Variants in NAALADL2 observed in about 807,000 individuals in gnomAD.
NAALADL2 encodes inactive N-acetylated-alpha-linked acidic dipeptidase-like protein 2.
A neutral mutation model predicts 87.2 loss-of-function variants in NAALADL2; 76 were observed. That is an observed-to-expected ratio of 0.87 (90% CI 0.72 to 1.05). The LOEUF (loss-of-function observed/expected upper bound fraction) is 1.05. Ranked by LOEUF, NAALADL2 falls within the 50% of genes least tolerant of loss-of-function variation. NAALADL2 has a pLI of 0.00. For synonymous variants in NAALADL2, 354 were observed against 331.0 expected, an observed-to-expected ratio of 1.07 and a Z score of -0.75; for missense variants, 1,089 against 945.8, an observed-to-expected ratio of 1.15 and a Z score of -1.99.
chr3:174,854,012 A>G (rs1725572864), intron 3 of NAALADL2, among the ~76,000 whole-genome samples: 1 of 152,182 alleles, frequency 6.6e-6, no homozygotes, highest in Non-Finnish European at 1.5e-5. Flanking sequence ...CACATGGTCC[A>G]GCTATCTCAC....
chr3:175,547,528 C>T (rs946100420), intron 9 of NAALADL2, among the ~76,000 whole-genome samples: 1 of 152,044 alleles, frequency 6.6e-6, no homozygotes, highest in Non-Finnish European at 1.5e-5. Flanking sequence ...ATATCAAAAG[C>T]AATTGTAACA....
At chr3:175,071,998 C>CT (rs1243488556) in intron 1 of NAALADL2, among the ~76,000 whole-genome samples, 1 of 151,906 alleles carries the variant, frequency 6.6e-6, no homozygotes, top group African/African-American at 2.4e-5. Flanking sequence ...TTCACATATT[C>CT]TTTTTTCCCT....
chr3:175,583,461 T>A (rs1720084132), intron 10 of NAALADL2, among the ~76,000 whole-genome samples: 1 of 147,444 alleles, frequency 6.8e-6, no homozygotes, highest in South Asian at 2.1e-4. Context: ...AAGAAACCTA[T>A]ATTTACGACA....
At chr3:174,653,489 TAGG>T (rs1381731360) in intron 2 of NAALADL2, among the ~76,000 whole-genome samples, 2 of 152,112 alleles carry the variant, frequency 1.3e-5, no homozygotes, top group African/African-American at 4.8e-5. Flanking sequence ...TACAATTTAG[TAGG>T]AGAGAAAAAC....
intron 5 of NAALADL2, among the ~76,000 whole-genome samples, chr3:175,347,892 C>T (rs928742353): frequency 3.9e-5 from 6 of 152,092 alleles, no homozygotes; most frequent in African/African-American, 1.2e-4. Context: ...TCTAGCCGTG[C>T]AACCTCCAAC....
chr3:175,784,954 G>C (rs200264674), intron 13 of NAALADL2, among the ~76,000 whole-genome samples: 1 of 143,888 alleles, frequency 6.9e-6, no homozygotes, highest in Admixed American at 6.8e-5. Context: ...CCTTCATTGC[G>C]TTATGTACCC....
At chr3:174,787,852 AAAG>A (rs1716997764) in intron 3 of NAALADL2, among the ~76,000 whole-genome samples, 1 of 151,614 alleles carries the variant, frequency 6.6e-6, no homozygotes, top group Non-Finnish European at 1.5e-5. Context: ...CAGAGTTGGA[AAAG>A]AAGTAGATTC....
intron 2 of NAALADL2, among the ~76,000 whole-genome samples, chr3:174,552,916 T>A (rs1372564573): frequency 6.6e-6 from 1 of 151,992 alleles, no homozygotes; most frequent in Non-Finnish European, 1.5e-5. Flanking sequence ...CTTTAATTAG[T>A]TGAGGCACCA....
At chr3:174,837,922 C>G (rs535052590) in intron 3 of NAALADL2, among the ~76,000 whole-genome samples, 3 of 150,126 alleles carry the variant, frequency 2.0e-5, no homozygotes, top group Admixed American at 6.7e-5. Context: ...CCTGTTGACA[C>G]TATTTGACAA....
At chr3:175,788,085 C>T (rs1203752262) in intron 13 of NAALADL2, among the ~76,000 whole-genome samples, 2 of 141,956 alleles carry the variant, frequency 1.4e-5, no homozygotes, top group Non-Finnish European at 3.0e-5. Context: ...CAGTTTTTTA[C>T]CTGTTTTTTT....
At chr3:175,194,122 C>A (rs1250260569) in intron 2 of NAALADL2, among the ~76,000 whole-genome samples, 1 of 151,666 alleles carries the variant, frequency 6.6e-6, no homozygotes, top group Non-Finnish European at 1.5e-5. Context: ...AAATTTAATA[C>A]CTCATGTTAT....
At chr3:175,182,476 C>G (rs111429849) in intron 2 of NAALADL2, among the ~76,000 whole-genome samples, 3 of 150,040 alleles carry the variant, frequency 2.0e-5, no homozygotes, top group Non-Finnish European at 4.4e-5. Context: ...CAACCTTGTT[C>G]TCCTGGGCTC....
chr3:174,563,425 A>G (rs1041759464), intron 2 of NAALADL2, among the ~76,000 whole-genome samples: 1 of 151,778 alleles, frequency 6.6e-6, no homozygotes, highest in East Asian at 1.9e-4. Context: ...ATCAATAACT[A>G]TAAAACTCAA....
chr3:174,763,651 GCAGA>G (rs1025405156), intron 3 of NAALADL2, among the ~76,000 whole-genome samples: 1 of 144,256 alleles, frequency 6.9e-6, no homozygotes, highest in African/African-American at 2.6e-5. Context: ...TTTGATTGCA[GCAGA>G]CAAAGTTCAG....
intron 1 of NAALADL2, among the ~76,000 whole-genome samples, chr3:174,515,837 G>GA: frequency 6.6e-6 from 1 of 152,014 alleles, no homozygotes; most frequent in African/African-American, 2.4e-5. Flanking sequence ...ACAGTGCCTA[G>GA]AAAAAGGAAA....
chr3:175,559,193 G>A (rs927764902), intron 9 of NAALADL2, among the ~76,000 whole-genome samples: 3 of 152,076 alleles, frequency 2.0e-5, no homozygotes, highest in Admixed American at 2.0e-4. Context: ...GCTATTGTAA[G>A]TGGAATTACT....
At chr3:175,142,605 C>T (rs1219315953) in intron 2 of NAALADL2, among the ~76,000 whole-genome samples, 1 of 147,150 alleles carries the variant, frequency 6.8e-6, no homozygotes, top group Non-Finnish European at 1.5e-5. Context: ...TCTATTACTG[C>T]ACTTTTTTTT....
intron 12 of NAALADL2, among the ~76,000 whole-genome samples, chr3:175,750,732 A>T (rs1225290445): frequency 6.6e-6 from 1 of 152,206 alleles, no homozygotes; most frequent in Non-Finnish European, 1.5e-5. Context: ...GACACTTGTC[A>T]GATCATTCTT....
chr3:175,610,719 AC>A (rs1724515678), intron 10 of NAALADL2, among the ~76,000 whole-genome samples: 1 of 152,104 alleles, frequency 6.6e-6, no homozygotes, highest in Non-Finnish European at 1.5e-5. Context: ...ATTCACATGA[AC>A]ATGTTTATCA....
Sources: gnomAD v4.1 joint callset for allele counts (sites outside exome capture counted in the v4.1 genomes callset) on GRCh38, gnomAD v4.1.1 for gene constraint, MANE v1.5 for transcripts, NCBI Gene and HGNC (gene_info 2026-07-23, HGNC 2026-07-21) for gene names.